The following ACTL8 variants were observed in gnomAD, a reference collection of about 807,000 sequenced individuals.
The protein encoded by ACTL8 is actin-like protein 8.
Under a neutral mutation model 9.3 loss-of-function variants are expected in ACTL8, and 3 were observed. The observed-to-expected ratio is 0.32, with a 90% CI of 0.15 to 0.83. ACTL8 has a LOEUF of 0.83. Among genes scored for constraint, ACTL8 ranks in the 40% least tolerant of loss-of-function variants. The pLI, the probability that ACTL8 is intolerant of heterozygous loss-of-function variation, is 0.57. For missense variants in ACTL8, 381 were observed against 492.2 expected, an observed-to-expected ratio of 0.77 and a Z score of 2.14; for synonymous variants, 224 against 205.9, an observed-to-expected ratio of 1.09 and a Z score of -0.75.
At chr1:17,820,345 A>G (rs1159191278) in intron 1 of ACTL8, among the ~76,000 whole-genome samples, 1 of 152,090 alleles carries the variant, frequency 6.6e-6, no homozygotes, top group Non-Finnish European at 1.5e-5. Context: ...TCGGTTGTTC[A>G]TTCTGTTTTA....
At chr1:17,797,619 T>C (rs1252686221) in intron 1 of ACTL8, among the ~76,000 whole-genome samples, 1 of 152,200 alleles carries the variant, frequency 6.6e-6, no homozygotes, top group East Asian at 1.9e-4. Context: ...CTTCCTGTCC[T>C]GCCTTCAGAA....
chr1:17,785,051 C>T (rs532064370), intron 1 of ACTL8, among the ~76,000 whole-genome samples: 49 of 151,996 alleles, frequency 3.2e-4, no homozygotes, highest in Middle Eastern at 6.8e-3. Context: ...GAATTATTCA[C>T]TATCACGGGA....
At chr1:17,800,894 C>T (rs115456046) in intron 1 of ACTL8, among the ~76,000 whole-genome samples, 179 of 152,112 alleles carry the variant, frequency 1.2e-3, no homozygotes, top group African/African-American at 4.1e-3. Flanking sequence ...TGCCCGGCCA[C>T]CTTGGTGTCA....
intron 1 of ACTL8, among the ~76,000 whole-genome samples, chr1:17,819,820 C>G (rs139529217): frequency 6.6e-6 from 1 of 151,952 alleles, no homozygotes; most frequent in Non-Finnish European, 1.5e-5. Flanking sequence ...TGCTTGAGCC[C>G]GGGAGTTTGA....
intron 1 of ACTL8, among the ~76,000 whole-genome samples, chr1:17,796,249 G>T (rs1306763075): frequency 6.6e-6 from 1 of 151,938 alleles, no homozygotes; most frequent in Non-Finnish European, 1.5e-5. Context: ...GGTGGTTTTG[G>T]GTGGGGTGGG....
At position 17,825,851 on chromosome 1, in the gene ACTL8, G is replaced by A. The variant is rs779323015; in HGVS notation, c.433G>A (p.Gly145Arg). ...MSLYASGLLT[G>R]VVVDSGYGLT... ...CCTGTATGCCTCTGGCCTCCTGACC[G>A]GAGTGGTGGTTGATTCTGGCTATGG... Residue 145 changes from glycine (G) to arginine (R), a missense_variant, in exon 3 of 3, where the codon GGA becomes AGA. Gly to Arg is a moderately radical substitution (Grantham distance 125, BLOSUM62 -2). Coordinates refer to ENST00000375406, the MANE Select transcript of ACTL8 (RefSeq NM_030812.3). 7 of 1,613,942 alleles carry A rather than the reference G, an allele frequency of 4.3e-6. No individual in the cohort carries two copies. The highest frequency in any genetic ancestry group is 1.6e-4 in the Middle Eastern group (1 of 6,084).
At position 17,804,975 on chromosome 1, in the gene ACTL8, C is replaced by T. The variant is rs1047468391; in HGVS notation, c.-24-18010C>T. On this transcript the variant is annotated intron_variant, in intron 1 of 2. Coordinates refer to ENST00000375406, the MANE Select transcript of ACTL8 (RefSeq NM_030812.3). ...TCATTCTCCTAACACTTGGGACAGA[C>T]GGGACCCACCTCCTCTCTGCTCAGA... is the stretch of plus-strand genomic sequence containing the variant. 9.9e-5 allele frequency among the ~76,000 whole-genome samples: 15 copies of T among 152,186 alleles called. No homozygotes were observed. The East Asian group carries it at 1.9e-3, about 20-fold the overall frequency.
At chr1:17,794,850 C>T (rs1165599274) in intron 1 of ACTL8, among the ~76,000 whole-genome samples, 1 of 152,136 alleles carries the variant, frequency 6.6e-6, no homozygotes, top group Non-Finnish European at 1.5e-5. Context: ...CAGAATTGCC[C>T]TTGTGGGAGT....
intron 1 of ACTL8, among the ~76,000 whole-genome samples, chr1:17,800,895 C>G (rs1376263410): frequency 6.6e-6 from 1 of 152,020 alleles, no homozygotes; most frequent in African/African-American, 2.4e-5. Context: ...GCCCGGCCAC[C>G]TTGGTGTCAA....
At chr1:17,798,914 A>AC in intron 1 of ACTL8, among the ~76,000 whole-genome samples, 1 of 152,306 alleles carries the variant, frequency 6.6e-6, no homozygotes, top group Admixed American at 6.5e-5. Context: ...TTCTTGTTTT[A>AC]CATCTTTACC....
Position 17,825,874 on chromosome 1 carries a change from T to C in ACTL8, c.456T>C (p.Tyr152=). The C allele has an allele frequency of 6.2e-7, 1 of 1,613,958 alleles. No individual in the cohort carries two copies. Residue 152 remains tyrosine, a synonymous_variant, in exon 3 of 3, where the codon TAT becomes TAC. Coordinates refer to ENST00000375406, the MANE Select transcript of ACTL8 (RefSeq NM_030812.3). The part of the protein sequence containing the change: ...LLTGVVVDSG[Y]GLTRVQPFHQ... The stretch of plus-strand genomic sequence containing the variant: ...CCGGAGTGGTGGTTGATTCTGGCTA[T>C]GGCCTGACCCGCGTGCAGCCTTTCC...
chr1:17,819,534 C>T (rs2053633128), intron 1 of ACTL8, among the ~76,000 whole-genome samples: 1 of 152,176 alleles, frequency 6.6e-6, no homozygotes, highest in Admixed American at 6.5e-5. Context: ...AAACGGAAGC[C>T]GAGCAGATAG....
At chr1:17,789,636 A>G (rs1270830108) in intron 1 of ACTL8, among the ~76,000 whole-genome samples, 1 of 151,424 alleles carries the variant, frequency 6.6e-6, no homozygotes, top group Non-Finnish European at 1.5e-5. Context: ...TGTTTTCCAT[A>G]CCTTATTTAT....
intron 1 of ACTL8, among the ~76,000 whole-genome samples, chr1:17,760,776 T>C (rs2065996328): frequency 6.6e-6 from 1 of 152,152 alleles, no homozygotes; most frequent in South Asian, 2.1e-4. Context: ...CCCAGCCCCC[T>C]GACAATCACC....
chr1:17,817,476 T>A (rs1183286388), intron 1 of ACTL8, among the ~76,000 whole-genome samples: 1 of 152,144 alleles, frequency 6.6e-6, no homozygotes, highest in Non-Finnish European at 1.5e-5. Flanking sequence ...TAATTTCTCA[T>A]CCCATTCGAT....
At chr1:17,802,913 A>G (rs2066332100) in intron 1 of ACTL8, among the ~76,000 whole-genome samples, 1 of 152,150 alleles carries the variant, frequency 6.6e-6, no homozygotes, top group South Asian at 2.1e-4. Flanking sequence ...TGAACCCGGA[A>G]GGCAGAGGTT....
intron 1 of ACTL8, among the ~76,000 whole-genome samples, chr1:17,817,189 A>AT (rs34552700): frequency 0.13 from 17,732 of 136,606 alleles, 1,319 homozygotes; most frequent in Admixed American, 0.25. Flanking sequence ...CCTTAATGCC[A>AT]TTTTTTTTTT....
intron 2 of ACTL8, among the ~76,000 whole-genome samples, chr1:17,824,459 A>G (rs914627669): frequency 2.6e-5 from 4 of 152,236 alleles, no homozygotes; most frequent in Non-Finnish European, 5.9e-5. Flanking sequence ...GTGTGCTTTC[A>G]TACGACAGCA....
intron 1 of ACTL8, among the ~76,000 whole-genome samples, chr1:17,782,939 A>C (rs1381708289): frequency 6.6e-6 from 1 of 152,162 alleles, no homozygotes; most frequent in Non-Finnish European, 1.5e-5. Flanking sequence ...TCAATGGCAC[A>C]TTGCAGAATG....
Sources: allele counts gnomAD v4.1 joint callset (sites outside exome capture counted in the v4.1 genomes callset), GRCh38; gene constraint gnomAD v4.1.1; transcripts MANE v1.5; gene names NCBI Gene and HGNC (gene_info 2026-07-23, HGNC 2026-07-21).